ZNF468: variants seen among roughly 807,000 people sequenced by gnomAD.
ZNF468 encodes zinc finger protein ZNF468.
Under a neutral mutation model 7.2 loss-of-function variants are expected in ZNF468, and 8 were observed. The observed-to-expected ratio is 1.11, with a 90% CI of 0.65 to 2.01. The LOEUF is 2.01. Ranked by LOEUF, ZNF468 falls within the 30% of genes most tolerant of loss-of-function variation. The pLI is 0.00. For missense variants in ZNF468, 608 were observed against 626.5 expected, an observed-to-expected ratio of 0.97 and a Z score of 0.31; for synonymous variants, 218 against 214.4, an observed-to-expected ratio of 1.02 and a Z score of -0.15.
At chr19:52,853,272 G>A (rs1284758879) in intron 2 of ZNF468, among the ~76,000 whole-genome samples, 3 of 152,226 alleles carry the variant, frequency 2.0e-5, no homozygotes, top group African/African-American at 7.2e-5. Context: ...GGAGGGTGGA[G>A]GATGTGACAG....
chr19:52,841,801 C>T lies in ZNF468; in HGVS notation c.493G>A (p.Glu165Lys), dbSNP rs1433692005. 1 of 1,614,048 alleles carries T rather than the reference C, an allele frequency of 6.2e-7. No individual in the cohort carries two copies. Among genetic ancestry groups the T allele is most frequent in the South Asian group, 1.1e-5 (1 of 91,066 alleles). The change falls in exon 4 of 4, where the codon GAG (glutamate) becomes AAG (lysine). Residue 165 changes from glutamate (E) to lysine (K), a missense_variant. Glu to Lys is a moderately conservative substitution (Grantham distance 56). Coordinates refer to ENST00000595646, the MANE Select transcript of ZNF468 (RefSeq NM_001008801.2). ...QSEGKIGNQV[E>K]KSINNASSVS... ...GAGGAAGCATTGTTGATAGACTTCT[C>T]AACTTGATTACCAATTTTCCCTTCA...
intron 1 of ZNF468, among the ~76,000 whole-genome samples, chr19:52,857,010 G>A (rs1267358795): frequency 1.3e-5 from 2 of 151,992 alleles, no homozygotes; most frequent in East Asian, 3.9e-4. Context: ...AGAACACCCC[G>A]CGTCACAGGA....
In ZNF468 at chr19:52,838,828, T is replaced by A. The variant is rs1170139548; in HGVS notation, c.*1897A>T. 6.6e-6 allele frequency: 1 copy of A among 152,142 alleles called. No individual in the cohort carries two copies. Among genetic ancestry groups the A allele is most frequent in the Non-Finnish European group, 1.5e-5 (1 of 68,030 alleles). 9.4% of individuals were successfully genotyped at this position (152,142 alleles called of 1,614,324 possible). On this transcript the variant is annotated 3_prime_UTR_variant, in exon 4 of 4. Coordinates refer to ENST00000595646, the MANE Select transcript of ZNF468 (RefSeq NM_001008801.2). ...ATCTATAAACATTGATCAAAATGAT[T>A]AAAAACATGTATAAATAGATATAAA... is the stretch of plus-strand genomic sequence containing the variant.
rs1442889876 is a variant in ZNF468, at chr19:52,841,064, A to T, written c.1230T>A (p.Pro410=). The T allele has an allele frequency of 6.2e-7, 1 of 1,612,782 alleles. No individual in the cohort carries two copies. Among genetic ancestry groups the T allele is most frequent in the Middle Eastern group, 1.7e-4 (1 of 6,046 alleles). The change falls in exon 4 of 4, where the codon CCT becomes CCA. Residue 410 remains proline (P), a synonymous_variant. Transcript: ENST00000595646. ...CTTTGCAACATTCTTCACATTTGTA[A>T]GGTTTCTCTCCACTATGAATCCTCC... is the stretch of plus-strand genomic sequence containing the variant. The part of the protein sequence containing the change: ...RHRRIHSGEK[P]YKCEECCKVF...
At position 52,838,706 on chromosome 19, in the gene ZNF468, AT is replaced by A. The variant is rs1199070070; in HGVS notation, c.*2018del. 1.3e-5 allele frequency: 2 copies of A among 152,326 alleles called. No individual in the cohort carries two copies. Among genetic ancestry groups the A allele is most frequent in the Admixed American group, 1.3e-4 (2 of 15,292 alleles). 9.4% of individuals were successfully genotyped at this position (152,326 alleles called of 1,614,324 possible). ...AATTTCCATACATTAACAATAAATAATTTTAAAAGAAAATTAAAAACCAATT... is the reference window on the plus strand; with the variant it reads ...AATTTCCATACATTAACAATAAATAATTTAAAAGAAAATTAAAAACCAATT... On this transcript the variant is annotated 3_prime_UTR_variant, in exon 4 of 4. Coordinates refer to ENST00000595646, the MANE Select transcript of ZNF468 (RefSeq NM_001008801.2).
rs539680124 is a variant in ZNF468 at position 52,847,157 on chromosome 19, G to C, written c.142+1930C>G. 3.9e-5 allele frequency among the ~76,000 whole-genome samples: 6 copies of C among 152,278 alleles called. No homozygotes were observed. The East Asian group carries it at 1.2e-3, about 29-fold the overall frequency. On this transcript the variant is annotated intron_variant, in intron 3 of 3. Transcript: ENST00000595646. Reference sequence around the variant, plus strand: ...ATTAAGAAAAATTGTTTCGCTTTGAGATGCTGTTAACCTGTAACTTTAGCC... The same window carrying C: ...ATTAAGAAAAATTGTTTCGCTTTGACATGCTGTTAACCTGTAACTTTAGCC...
At position 52,840,744 on chromosome 19, in the gene ZNF468, T is replaced by C. The variant is rs200642853; in HGVS notation, c.1550A>G (p.His517Arg). ...ACACTATTAAGGCTTCTCTCCACTA[T>C]GAAGCCTATGATGGTATACAAGGGA... ...MSSLVYHHRLHSGEKP is the reference protein window; with the variant it reads ...MSSLVYHHRLRSGEKP The change falls in exon 4 of 4, where the codon CAT becomes CGT. Residue 517 changes from histidine (H) to arginine (R), a missense_variant. Transcript: ENST00000595646. The C allele has an allele frequency of 2.2e-5, 35 of 1,613,994 alleles. No homozygotes were observed. Among genetic ancestry groups the C allele is most frequent in the Non-Finnish European group, 2.7e-5 (32 of 1,179,966 alleles).
Position 52,854,358 on chromosome 19 carries a change from AAT to A in ZNF468, c.-73-15_-73-14del. The A allele has an allele frequency of 6.2e-7, 1 of 1,603,700 alleles. No homozygotes were observed. The highest frequency in any genetic ancestry group is 8.5e-7 in the Non-Finnish European group (1 of 1,172,072). ...TTAGAAGTCAATCCTGAATGTTAAA[AAT>A]ATGTTGTTTATCACTCAGAATCAAC... On this transcript the variant is annotated splice_polypyrimidine_tract_variant and intron_variant, in intron 1 of 3. Transcript: ENST00000595646.
chr19:52,850,369 A>G (rs1478790518), intron 2 of ZNF468, among the ~76,000 whole-genome samples: 1 of 152,078 alleles, frequency 6.6e-6, no homozygotes, highest in African/African-American at 2.4e-5. Context: ...GGCAGCCACT[A>G]TGGCACTCTT....
intron 2 of ZNF468, among the ~76,000 whole-genome samples, chr19:52,850,559 C>T (rs1039483702): frequency 6.6e-6 from 1 of 152,016 alleles, no homozygotes; most frequent in Non-Finnish European, 1.5e-5. Context: ...ACAGACACTG[C>T]AGTCTACTTG....
intron 3 of ZNF468, chr19:52,846,532 C>T (rs952542892): frequency 1.9e-5 from 3 of 155,352 alleles, no homozygotes; most frequent in African/African-American, 7.2e-5. Context: ...TGTTATTATG[C>T]TATAACTTTA....
In ZNF468 at chr19:52,841,189, T is replaced by C; in HGVS notation, c.1105A>G (p.Thr369Ala). ...ECGKVFNRLS[T>A]LARHHRLHTG... Reference sequence around the variant, plus strand: ...TGAAGTCTATGATGGCGTGCAAGGGTTGATAGTCGATTAAAAACTTTGCCA... The same window carrying C: ...TGAAGTCTATGATGGCGTGCAAGGGCTGATAGTCGATTAAAAACTTTGCCA... The change falls in exon 4 of 4, where the codon ACC becomes GCC. Residue 369 changes from threonine (T) to alanine (A), a missense_variant. By Grantham distance (58) the Thr-to-Ala change is moderately conservative. Coordinates refer to ENST00000595646, the MANE Select transcript of ZNF468 (RefSeq NM_001008801.2). 6.2e-7 allele frequency: 1 copy of C among 1,610,662 alleles called. No individual in the cohort carries two copies. The highest frequency in any genetic ancestry group is 8.5e-7 in the Non-Finnish European group (1 of 1,179,012).
chr19:52,850,779 G>C (rs28487580), intron 2 of ZNF468, among the ~76,000 whole-genome samples: 1 of 151,690 alleles, frequency 6.6e-6, no homozygotes, highest in African/African-American at 2.4e-5. Context: ...GGCGCCTGTA[G>C]TCCCAGCTAC....
Position 52,838,431 on chromosome 19 carries a change from A to C in ZNF468, c.*2294T>G, listed in dbSNP as rs1249647442. Reference sequence around the variant, plus strand: ...GAAAACGGAATGCTTTTCCTGTAGGATCTCACATGATGCAAGAATGCTCTC... The same window carrying C: ...GAAAACGGAATGCTTTTCCTGTAGGCTCTCACATGATGCAAGAATGCTCTC... On this transcript the variant is annotated 3_prime_UTR_variant, in exon 4 of 4. Transcript: ENST00000595646. 2.0e-5 allele frequency: 3 copies of C among 152,218 alleles called. No homozygotes were observed. The highest frequency in any genetic ancestry group is 7.2e-5 in the African/African-American group (3 of 41,450). The allele number at this position is 152,218 out of a possible 1,614,324, so 9.4% of individuals were successfully genotyped here. A position where few individuals can be genotyped will look rare whatever the true frequency, so the allele number is the denominator to read the frequency against.
intron 2 of ZNF468, chr19:52,854,050 G>A (rs780799077): frequency 1.3e-6 from 2 of 1,501,616 alleles, no homozygotes; most frequent in East Asian, 2.4e-5. Flanking sequence ...CCCTTCCCAG[G>A]ACCTGCCCAG....
At position 52,855,643 on chromosome 19, in the gene ZNF468, C is replaced by G. The variant is rs117431132; in HGVS notation, c.-73-1298G>C. On this transcript the variant is annotated intron_variant, in intron 1 of 3. Transcript: ENST00000595646. The stretch of plus-strand genomic sequence containing the variant: ...ATACAGACAAAGGCCTCCAAAGATC[C>G]TCTCTGTTTCTGAGTCTACCGCTCT... Among the ~76,000 whole-genome samples, 939 of 139,774 alleles carry G rather than the reference C, an allele frequency of 6.7e-3. 10 individuals are homozygous for G. The highest frequency in any genetic ancestry group is 0.02 in the African/African-American group (798 of 39,614). The allele number at this position is 139,774 out of a possible 152,430, so 91.7% of individuals were successfully genotyped here.
intron 1 of ZNF468, among the ~76,000 whole-genome samples, chr19:52,854,887 TGGTGGGTATCTCTAATCCCAGCTACTC>T (rs1260429033): frequency 3.9e-5 from 6 of 152,046 alleles, no homozygotes; most frequent in African/African-American, 1.4e-4. Context: ...TAGCCGAGAT[TGGTGGGTATCTCTAATCCCAGCTACTC>T]GGGAGGCTGA....
Position 52,841,548 on chromosome 19 carries a change from C to T in ZNF468, c.746G>A (p.Gly249Asp). The T allele has an allele frequency of 6.2e-7, 1 of 1,614,078 alleles. No individual in the cohort carries two copies. The highest frequency in any genetic ancestry group is 8.5e-7 in the Non-Finnish European group (1 of 1,180,026). The change falls in exon 4 of 4, where the codon GGC becomes GAC. Residue 249 changes from glycine to aspartate, a missense_variant. Coordinates refer to ENST00000595646, the MANE Select transcript of ZNF468 (RefSeq NM_001008801.2). ...GTATCGCTTCTGATTAAAGACCTTG[C>T]CACATACATCACATTTACATTGTTT... ...EEKQCKCDVC[G>D]KVFNQKRYLA...
intron 3 of ZNF468, among the ~76,000 whole-genome samples, chr19:52,842,733 A>G (rs2063314480): frequency 7.1e-6 from 1 of 141,702 alleles, no homozygotes; most frequent in Non-Finnish European, 1.5e-5. Context: ...CAAGTATTGC[A>G]TTAAGCTAAA....
Sources: gnomAD v4.1 joint callset for allele counts (sites outside exome capture counted in the v4.1 genomes callset) on GRCh38, gnomAD v4.1.1 for gene constraint, MANE v1.5 for transcripts, NCBI Gene and HGNC (gene_info 2026-07-23, HGNC 2026-07-21) for gene names.